PRR5L: variants seen among roughly 807,000 people sequenced by gnomAD.
The protein encoded by PRR5L is proline-rich protein 5-like.
PRR5L carries 21 observed loss-of-function variants against 36.4 expected under a neutral mutation model. That is an observed-to-expected ratio of 0.58 (90% CI 0.41 to 0.83). PRR5L has a LOEUF of 0.83. PRR5L is among the 40% of genes least tolerant of loss of function. The probability of loss-of-function intolerance (pLI) is 0.00; values close to 1 mark genes in which losing one functional copy is unlikely to be tolerated. For synonymous variants in PRR5L, 188 were observed against 197.0 expected (o/e 0.95, Z 0.38); for missense variants, 381 against 473.3 (o/e 0.80, Z 1.81).
intron 1 of PRR5L, among the ~76,000 whole-genome samples, chr11:36,313,600 C>T (rs1461573840): frequency 6.6e-6 from 1 of 152,166 alleles, no homozygotes; most frequent in South Asian, 2.1e-4. Flanking sequence ...ATGGAGGGAC[C>T]TGGGACTGGA....
Position 36,464,168 on chromosome 11 carries a change from T to C in PRR5L, c.*1432T>C, listed in dbSNP as rs570826838. ...ATCCCTATCCTCCTCTTTGTAGTTG[T>C]CGGTCTCACTGATAACAGCTCCAGA... On this transcript the variant is annotated 3_prime_UTR_variant, in exon 9 of 9. Transcript: ENST00000530639. The C allele has an allele frequency of 7.2e-5, 11 of 152,294 alleles. No individual in the cohort carries two copies. Among genetic ancestry groups the C allele is most frequent in the African/African-American group, 2.6e-4 (11 of 41,550 alleles). The allele number at this position is 152,294 out of a possible 1,614,324, so 9.4% of individuals were successfully genotyped here. A position where few individuals can be genotyped will look rare whatever the true frequency, so the allele number is the denominator to read the frequency against.
intron 1 of PRR5L, among the ~76,000 whole-genome samples, chr11:36,386,799 G>C (rs1448385918): frequency 6.6e-6 from 1 of 152,244 alleles, no homozygotes. Context: ...CCTTGGTTTA[G>C]AGTAGAAATT....
At chr11:36,422,168 T>C (rs1213281881) in intron 4 of PRR5L, among the ~76,000 whole-genome samples, 1 of 152,200 alleles carries the variant, frequency 6.6e-6, no homozygotes, top group Non-Finnish European at 1.5e-5. Context: ...CAGGCACTGC[T>C]TAAAAATGGG....
At chr11:36,327,272 T>G (rs1253551941) in intron 1 of PRR5L, among the ~76,000 whole-genome samples, 1 of 152,178 alleles carries the variant, frequency 6.6e-6, no homozygotes, top group Non-Finnish European at 1.5e-5. Context: ...CCTGAAAAAC[T>G]AGTTCATGCC....
chr11:36,358,586 T>C (rs1472172236), intron 1 of PRR5L, among the ~76,000 whole-genome samples: 1 of 152,230 alleles, frequency 6.6e-6, no homozygotes, highest in Non-Finnish European at 1.5e-5. Flanking sequence ...CTCAAACATT[T>C]GTGTGACTCA....
chr11:36,380,977 C>G lies in PRR5L; in HGVS notation c.-125-20020C>G, dbSNP rs558758931. Reference sequence around the variant, plus strand: ...GGGAAGACCTTGTAAACATCTACCCCCTCCAAACAACCTGTCATTAATTAT... The same window carrying G: ...GGGAAGACCTTGTAAACATCTACCCGCTCCAAACAACCTGTCATTAATTAT... On this transcript the variant is annotated intron_variant, in intron 1 of 8. Coordinates refer to ENST00000530639, the MANE Select transcript of PRR5L (RefSeq NM_001160167.2). Among the ~76,000 whole-genome samples the G allele has an allele frequency of 1.2e-3, 183 of 152,294 alleles. 2 individuals are homozygous for G. The Middle Eastern group carries it at 0.02, about 17-fold the overall frequency.
intron 3 of PRR5L, among the ~76,000 whole-genome samples, chr11:36,409,828 A>T (rs1446674116): frequency 6.6e-6 from 1 of 152,250 alleles, no homozygotes; most frequent in African/African-American, 2.4e-5. Flanking sequence ...GGAAGTACAG[A>T]TACAGAGAGG....
intron 1 of PRR5L, chr11:36,329,229 A>G (rs1177486527): frequency 2.0e-5 from 3 of 152,184 alleles, no homozygotes; most frequent in African/African-American, 4.8e-5. Flanking sequence ...TTCCTTGAGC[A>G]TGGCATGGAA....
chr11:36,354,874 A>G (rs1857009919), intron 1 of PRR5L, among the ~76,000 whole-genome samples: 1 of 152,224 alleles, frequency 6.6e-6, no homozygotes, highest in South Asian at 2.1e-4. Flanking sequence ...TGAAGACTAA[A>G]CTGGAAAAAA....
In PRR5L at chr11:36,401,144, T is replaced by C. The variant is rs1400559667; in HGVS notation, c.23T>C (p.Ile8Thr). 1 of 1,614,196 alleles carries C rather than the reference T, an allele frequency of 6.2e-7. No homozygotes were observed. Among genetic ancestry groups the C allele is most frequent in the African/African-American group, 1.3e-5 (1 of 75,060 alleles). The change falls in exon 2 of 9, where the codon ATT (isoleucine) becomes ACT (threonine). Residue 8 changes from isoleucine (I) to threonine (T), a missense_variant. Physicochemically the swap from Ile to Thr is moderately conservative, Grantham distance 89. Coordinates refer to ENST00000530639, the MANE Select transcript of PRR5L (RefSeq NM_001160167.2). MTRGFAPILPVEFHKMGS... is the reference protein window; with the variant it reads MTRGFAPTLPVEFHKMGS... ...CTTATGACCCGCGGCTTCGCTCCCA[T>C]TCTGCCCGTCGAGTTCCACAAGATG... is the stretch of plus-strand genomic sequence containing the variant.
At chr11:36,415,675 C>T (rs1230823036) in intron 3 of PRR5L, among the ~76,000 whole-genome samples, 1 of 152,108 alleles carries the variant, frequency 6.6e-6, no homozygotes, top group Non-Finnish European at 1.5e-5. Context: ...GCCCGGGAGG[C>T]AGAGGTTGCA....
rs1856311839 is a variant in PRR5L at position 36,296,416 on chromosome 11, C to A, written c.-148C>A. On this transcript the variant is annotated 5_prime_UTR_variant, in exon 1 of 9. Transcript: ENST00000530639. The stretch of plus-strand genomic sequence containing the variant: ...CTCTCCCCAGCAAGGTGGGACCTGC[C>A]CTGGAAGAAGAAACCAGACCAGGTA... 1 of 152,092 alleles carries A rather than the reference C, an allele frequency of 6.6e-6. No homozygotes were observed. The highest frequency in any genetic ancestry group is 1.5e-5 in the Non-Finnish European group (1 of 68,082). The allele number at this position is 152,092 out of a possible 1,614,324, so 9.4% of individuals were successfully genotyped here.
chr11:36,358,882 C>T (rs1289063728), intron 1 of PRR5L, among the ~76,000 whole-genome samples: 1 of 152,162 alleles, frequency 6.6e-6, no homozygotes, highest in African/African-American at 2.4e-5. Flanking sequence ...GGCGATAGTG[C>T]TCAGGGCACT....
chr11:36,378,392 A>G (rs550962061), intron 1 of PRR5L, among the ~76,000 whole-genome samples: 1 of 152,298 alleles, frequency 6.6e-6, no homozygotes, highest in African/African-American at 2.4e-5. Flanking sequence ...GTAGCCTTTC[A>G]GATAAGGGAA....
chr11:36,325,039 G>T (rs1034023705), intron 1 of PRR5L, among the ~76,000 whole-genome samples: 1 of 152,140 alleles, frequency 6.6e-6, no homozygotes, highest in African/African-American at 2.4e-5. Context: ...CCAAAATGGC[G>T]GCAGGTCGCT....
intron 1 of PRR5L, among the ~76,000 whole-genome samples, chr11:36,374,426 G>A (rs1857232548): frequency 6.6e-6 from 1 of 151,598 alleles, no homozygotes; most frequent in African/African-American, 2.4e-5. Context: ...CATACAATGT[G>A]TTACAAGGTT....
chr11:36,426,138 C>T (rs897923715), intron 4 of PRR5L: 3 of 152,292 alleles, frequency 2.0e-5, no homozygotes, highest in African/African-American at 7.2e-5. Context: ...GCCAACTGCC[C>T]CAGTATCTGA....
At chr11:36,341,068 G>C (rs1009353570) in intron 1 of PRR5L, among the ~76,000 whole-genome samples, 6 of 152,264 alleles carry the variant, frequency 3.9e-5, no homozygotes, top group Middle Eastern at 6.8e-3. Flanking sequence ...GGGAAAGGCA[G>C]GCAGATGGAG....
intron 1 of PRR5L, among the ~76,000 whole-genome samples, chr11:36,378,260 G>C (rs373077347): frequency 2.4e-4 from 36 of 152,294 alleles, no homozygotes; most frequent in African/African-American, 8.4e-4. Context: ...CCCTGGTAAG[G>C]TTCCCAGTAT....
Sources: allele counts gnomAD v4.1 joint callset (sites outside exome capture counted in the v4.1 genomes callset), GRCh38; gene constraint gnomAD v4.1.1; transcripts MANE v1.5; gene names NCBI Gene and HGNC (gene_info 2026-07-23, HGNC 2026-07-21).